The following FBXO9 variants were observed in gnomAD, a reference collection of about 807,000 sequenced individuals.
The protein encoded by FBXO9 is F-box only protein 9.
A neutral mutation model predicts 63.7 loss-of-function variants in FBXO9; 43 were observed. The observed-to-expected ratio is 0.67, with a 90% confidence interval of 0.53 to 0.87. The LOEUF is 0.87. Ranked by LOEUF, FBXO9 falls within the 40% of genes least tolerant of loss-of-function variation. FBXO9 has a pLI of 0.00. For synonymous variants in FBXO9, 156 were observed against 171.7 expected (o/e 0.91, Z 0.72); for missense variants, 442 against 533.2 (o/e 0.83, Z 1.68).
At chr6:53,067,032 C>T (rs1159827924) in intron 1 of FBXO9, among the ~76,000 whole-genome samples, 1 of 152,194 alleles carries the variant, frequency 6.6e-6, no homozygotes, top group Non-Finnish European at 1.5e-5. Flanking sequence ...CATTTCCTTT[C>T]CTCATCCTTC....
intron 1 of FBXO9, among the ~76,000 whole-genome samples, chr6:53,066,907 C>T (rs1207488550): frequency 6.6e-6 from 1 of 152,186 alleles, no homozygotes; most frequent in Non-Finnish European, 1.5e-5. Context: ...CTCAGCCGAT[C>T]CCAGATATAA....
intron 11 of FBXO9, 88 bp downstream of exon 11, chr6:53,094,066 C>A (rs1397785943): frequency 4.4e-6 from 3 of 681,986 alleles, no homozygotes; most frequent in Non-Finnish European, 6.9e-6. Context: ...ACAAAAAAAA[C>A]CCTTTCTGAT....
In FBXO9 at chr6:53,098,068, G is replaced by T. The variant is rs1420001438; in HGVS notation, c.*238G>T. 4.3e-6 allele frequency: 1 copy of T among 233,118 alleles called. No individual in the cohort carries two copies. The allele number at this position is 233,118 out of a possible 1,614,324, so 14.4% of individuals were successfully genotyped here. On this transcript the variant is annotated 3_prime_UTR_variant, in exon 13 of 13. Coordinates refer to ENST00000323557, the MANE Select transcript of FBXO9 (RefSeq NM_033480.3). ...TTTAAAGGGATAGTTGATTCCTGGG[G>T]TGTTTTGAAATTAAGTTGGAATTAA...
In FBXO9 at chr6:53,070,714, G is replaced by A. The variant is rs917121060; in HGVS notation, c.4-343G>A. 2.0e-5 allele frequency: 5 copies of A among 245,166 alleles called. 1 individual carries two copies. In the South Asian group the frequency reaches 5.9e-4, roughly 29 times the overall value. The allele number at this position is 245,166 out of a possible 1,614,324, so 15.2% of individuals were successfully genotyped here. ...AACCCAGGGATTTTGGTGTCCTGGG[G>A]GCTCCTGGAACTAATCACCTGTGGA... On this transcript the variant is annotated intron_variant, in intron 1 of 12. Transcript: ENST00000323557.
intron 7 of FBXO9, among the ~76,000 whole-genome samples, chr6:53,086,377 C>A (rs1762886175): frequency 1.3e-5 from 2 of 152,160 alleles, no homozygotes; most frequent in Non-Finnish European, 2.9e-5. Context: ...CCTTTTAAAG[C>A]TCAGTTTTCG....
chr6:53,076,313 C>T (rs1008013084), intron 3 of FBXO9, among the ~76,000 whole-genome samples, 173 bp from the exon 4 acceptor site: 1 of 152,086 alleles, frequency 6.6e-6, no homozygotes, highest in African/African-American at 2.4e-5. Flanking sequence ...CATTTAAGTC[C>T]ATGATCCAGT....
chr6:53,087,203 C>T (rs1158661571), intron 7 of FBXO9, among the ~76,000 whole-genome samples: 4 of 151,552 alleles, frequency 2.6e-5, no homozygotes, highest in East Asian at 3.9e-4. Context: ...ATTAGTTGGA[C>T]GTAGTGTGTG....
chr6:53,087,702 CTG>C (rs1484192009), intron 7 of FBXO9, among the ~76,000 whole-genome samples: 1 of 152,202 alleles, frequency 6.6e-6, no homozygotes, highest in East Asian at 1.9e-4. Context: ...GAAATAGAAA[CTG>C]TAGTTTTGCA....
In FBXO9 at chr6:53,099,611, G is replaced by T. The variant is rs994683549; in HGVS notation, c.*1781G>T. On this transcript the variant is annotated 3_prime_UTR_variant, in exon 13 of 13. Transcript: ENST00000323557. ...AAAAAAAAAAAAAATAGGCATGGTG[G>T]TACACACCTGTGGTCCCAGCTAGTT... The T allele has an allele frequency of 2.0e-5, 3 of 151,964 alleles. No individual in the cohort carries two copies. Among genetic ancestry groups the T allele is most frequent in the Non-Finnish European group, 2.9e-5 (2 of 68,090 alleles). 9.4% of individuals were successfully genotyped at this position (151,964 alleles called of 1,614,324 possible). A position where few individuals can be genotyped will look rare whatever the true frequency, so the allele number is the denominator to read the frequency against.
In FBXO9 at chr6:53,071,146, A is replaced by G; in HGVS notation, c.90+3A>G. The G allele has an allele frequency of 6.4e-7, 1 of 1,552,684 alleles. No homozygotes were observed. Among genetic ancestry groups the G allele is most frequent in the East Asian group, 2.4e-5 (1 of 41,496 alleles). Reference sequence around the variant, plus strand: ...GTCCTGCTGAAACAGATCTGCAGGCATGTTTCTTCAATTGTGTCTTTGATT... The same window carrying G: ...GTCCTGCTGAAACAGATCTGCAGGCGTGTTTCTTCAATTGTGTCTTTGATT... On this transcript the variant is annotated splice_donor_region_variant and intron_variant, in intron 2 of 12. Transcript: ENST00000323557.
chr6:53,073,390 G>T, intron 2 of FBXO9, 91 bp from the exon 3 acceptor site: 1 of 959,844 alleles, frequency 1.0e-6, no homozygotes. Flanking sequence ...GTATATACGT[G>T]GAAGTAGATA....
intron 1 of FBXO9, 40 bp downstream of exon 1, chr6:53,065,832 C>T (rs1234174270): frequency 6.8e-6 from 9 of 1,314,232 alleles, no homozygotes; most frequent in South Asian, 6.0e-5. Context: ...CGCCGCGGGG[C>T]GGGAGCGTGG....
At chr6:53,071,324 A>G (rs1336140037) in intron 2 of FBXO9, among the ~76,000 whole-genome samples, 181 bp downstream of exon 2, 2 of 152,256 alleles carry the variant, frequency 1.3e-5, no homozygotes, top group East Asian at 3.8e-4. Flanking sequence ...AGAAATATCA[A>G]TAATGGTTGC....
rs914719046 is a variant in FBXO9 at position 53,065,577 on chromosome 6, C to G, written c.-213C>G. On this transcript the variant is annotated 5_prime_UTR_variant, in exon 1 of 13. Coordinates refer to ENST00000323557, the MANE Select transcript of FBXO9 (RefSeq NM_033480.3). ...CAGCCGCCGCCACCCCAGCGCGCCC[C>G]GATCTGGCCCCCTGCCCCGCGAAGA... 5 of 499,470 alleles carry G rather than the reference C, an allele frequency of 1.0e-5. No homozygotes were observed. Among genetic ancestry groups the G allele is most frequent in the East Asian group, 7.1e-5 (2 of 28,232 alleles). The allele number at this position is 499,470 out of a possible 1,614,324, so 30.9% of individuals were successfully genotyped here. A position where few individuals can be genotyped will look rare whatever the true frequency, so the allele number is the denominator to read the frequency against.
chr6:53,085,589 C>T (rs988055708), intron 7 of FBXO9, among the ~76,000 whole-genome samples: 5 of 151,678 alleles, frequency 3.3e-5, no homozygotes, highest in African/African-American at 7.3e-5. Flanking sequence ...TTAGAATACT[C>T]ACATTAATAA....
In FBXO9 at chr6:53,071,100, A is replaced by T. The variant is rs781130396; in HGVS notation, c.47A>T (p.Asp16Val). Residue 16 changes from aspartate to valine, a missense_variant, in exon 2 of 13, where the codon GAT becomes GTT. This residue lies in a region of FBXO9 where 180 missense variants were observed against 171.1 expected (regional missense o/e 1.05). Transcript: ENST00000323557. ...TGTCATTCTGATACTGTCAGAGCAG[A>T]TGATGATGAAGAAAATGAAAGTCCT... ...EDCHSDTVRA[D>V]DDEENESPAE... is the part of the protein sequence containing the mutation. 2 of 1,569,668 alleles carry T rather than the reference A, an allele frequency of 1.3e-6. No homozygotes were observed. The highest frequency in any genetic ancestry group is 2.3e-5 in the South Asian group (2 of 85,604).
intron 1 of FBXO9, chr6:53,066,162 C>T (rs1199268408): frequency 9.5e-7 from 1 of 1,049,690 alleles, no homozygotes; most frequent in African/African-American, 1.7e-5. Flanking sequence ...TAAGCTGTCA[C>T]AGCGCCTGAA....
intron 1 of FBXO9, among the ~76,000 whole-genome samples, chr6:53,068,963 C>T (rs1768813471): frequency 6.6e-6 from 1 of 152,116 alleles, no homozygotes; most frequent in Non-Finnish European, 1.5e-5. Context: ...ACTGTATTCT[C>T]TTAAGTGATC....
At position 53,099,713 on chromosome 6, in the gene FBXO9, G is replaced by C. The variant is rs764683706; in HGVS notation, c.*1883G>C. 1 of 152,184 alleles carries C rather than the reference G, an allele frequency of 6.6e-6. No individual in the cohort carries two copies. Among genetic ancestry groups the C allele is most frequent in the Non-Finnish European group, 1.5e-5 (1 of 68,086 alleles). The allele number at this position is 152,184 out of a possible 1,614,324, so 9.4% of individuals were successfully genotyped here. On this transcript the variant is annotated 3_prime_UTR_variant, in exon 13 of 13. Coordinates refer to ENST00000323557, the MANE Select transcript of FBXO9 (RefSeq NM_033480.3). ...GCCAAGATTGCACCACTGTGCTCCA[G>C]CCTGGGTGAGAAAGCGAGACCCTGT... is the stretch of plus-strand genomic sequence containing the variant.
Sources: gnomAD v4.1 joint callset for allele counts (sites outside exome capture counted in the v4.1 genomes callset) on GRCh38, gnomAD v4.1.1 for gene constraint, gnomAD v4.1.1 regional missense constraint, MANE v1.5 for transcripts, NCBI Gene and HGNC (gene_info 2026-07-23, HGNC 2026-07-21) for gene names.